The following TAF12 variants were observed in gnomAD, a reference collection of about 807,000 sequenced individuals.
TAF12 encodes TATA-box binding protein associated factor 12, also known as transcription initiation factor TFIID subunit 12.
Under a neutral mutation model 20.8 loss-of-function variants are expected in TAF12, and 3 were observed. The ratio of observed to expected loss-of-function variants is 0.14; its 90% CI spans 0.07 to 0.37. The LOEUF (loss-of-function observed/expected upper bound fraction) is 0.37. TAF12 is among the 10% of genes least tolerant of loss of function. The pLI is 1.00. For missense variants in TAF12, 131 were observed against 197.9 expected (o/e 0.66, Z 2.03); for synonymous variants, 69 against 70.2 (o/e 0.98, Z 0.09).
intron 3 of TAF12, among the ~76,000 whole-genome samples, chr1:28,613,566 AG>A (rs1294842380): frequency 1.3e-5 from 2 of 152,224 alleles, no homozygotes; most frequent in Non-Finnish European, 2.9e-5. Flanking sequence ...CACCTTTCTG[AG>A]CATATACTTT....
chr1:28,643,814 G>A (rs1668117879), upstream of TAF12, among the ~76,000 whole-genome samples: 1 of 152,120 alleles, frequency 6.6e-6, no homozygotes, highest in South Asian at 2.1e-4. Flanking sequence ...CACTTTGGGA[G>A]GCCGAGGAGG....
At chr1:28,611,026 T>C (rs1455973166) in intron 4 of TAF12, among the ~76,000 whole-genome samples, 2 of 149,640 alleles carry the variant, frequency 1.3e-5, no homozygotes, top group Non-Finnish European at 3.0e-5. Context: ...CCTGGACAGG[T>C]TTCTGACTGC....
At chr1:28,618,173 G>T (rs978120549) in intron 2 of TAF12, 143 bp from the exon 3 acceptor site, 3 of 690,864 alleles carry the variant, frequency 4.3e-6, no homozygotes, top group African/African-American at 3.6e-5. Flanking sequence ...ACCTGACTAT[G>T]CTGCTGTAAG....
intron 1 of TAF12, among the ~76,000 whole-genome samples, chr1:28,632,588 A>G (rs1329733192): frequency 6.6e-6 from 1 of 152,128 alleles, no homozygotes; most frequent in Non-Finnish European, 1.5e-5. Flanking sequence ...GTATCATACT[A>G]AGTGAAAAAG....
At chr1:28,633,268 G>A (rs1478025418) in intron 1 of TAF12, among the ~76,000 whole-genome samples, 1 of 150,332 alleles carries the variant, frequency 6.7e-6, no homozygotes, top group African/African-American at 2.4e-5. Context: ...CCGGGTTCAA[G>A]CGATTCTACT....
chr1:28,641,908 G>C (rs1668048391), intron 1 of TAF12, among the ~76,000 whole-genome samples: 3 of 151,976 alleles, frequency 2.0e-5, no homozygotes, highest in Admixed American at 1.3e-4. Context: ...GAAGGGTACT[G>C]TATTAAAATT....
chr1:28,620,775 T>C (rs1437391522), intron 2 of TAF12, among the ~76,000 whole-genome samples: 1 of 152,012 alleles, frequency 6.6e-6, no homozygotes, highest in Non-Finnish European at 1.5e-5. Context: ...GATTATACCA[T>C]TGCACTCTAG....
Position 28,622,021 on chromosome 1 carries a change from C to T in TAF12, c.61G>A (p.Glu21Lys). 1.2e-6 allele frequency: 2 copies of T among 1,613,930 alleles called. No individual in the cohort carries two copies. The highest frequency in any genetic ancestry group is 1.7e-6 in the Non-Finnish European group (2 of 1,180,010). Reference protein sequence around the residue: ...NLSNFSSIKPEPASTPPQGSM... With the variant: ...NLSNFSSIKPKPASTPPQGSM... The stretch of plus-strand genomic sequence containing the variant: ...CCTTGTGGAGGGGTGCTGGCTGGTT[C>T]CGGTTTTATGGATGAGAAATTGGAG... Residue 21 changes from glutamate to lysine, a missense_variant, in exon 2 of 6, where the codon GAA becomes AAA. Physicochemically the swap from Glu to Lys is moderately conservative, Grantham distance 56. Transcript: ENST00000373824.
chr1:28,638,564 C>T (rs1433786035), intron 1 of TAF12, among the ~76,000 whole-genome samples: 1 of 150,826 alleles, frequency 6.6e-6, no homozygotes, highest in Non-Finnish European at 1.5e-5. Flanking sequence ...CGGCTCACTG[C>T]AGCCTCTGCC....
At chr1:28,608,486 G>T (rs1464952102) in intron 4 of TAF12, among the ~76,000 whole-genome samples, 5 of 152,172 alleles carry the variant, frequency 3.3e-5, no homozygotes, top group Non-Finnish European at 7.3e-5. Context: ...GGGTGTGGTG[G>T]CTCACGGCTG....
At chr1:28,621,529 G>GA (rs980481529) in intron 2 of TAF12, among the ~76,000 whole-genome samples, 2 of 151,828 alleles carry the variant, frequency 1.3e-5, no homozygotes, top group Non-Finnish European at 2.9e-5. Flanking sequence ...AAAATGAAAG[G>GA]AAAAAAACAC....
intron 1 of TAF12, among the ~76,000 whole-genome samples, chr1:28,641,902 G>A (rs189859090): frequency 1.3e-5 from 2 of 152,070 alleles, no homozygotes; most frequent in African/African-American, 2.4e-5. Context: ...CGCACAGAAG[G>A]GTACTGTATT....
chr1:28,637,288 C>T (rs181081148), intron 1 of TAF12, among the ~76,000 whole-genome samples: 170 of 152,032 alleles, frequency 1.1e-3, no homozygotes, highest in African/African-American at 3.9e-3. Context: ...CACCCAGGCT[C>T]GAGCGCAGTG....
intron 3 of TAF12, among the ~76,000 whole-genome samples, chr1:28,617,370 G>C (rs538747831): frequency 1.3e-5 from 2 of 151,740 alleles, no homozygotes; most frequent in Admixed American, 6.6e-5. Flanking sequence ...CTGCAACCTC[G>C]GCCTTCTGGG....
At position 28,604,249 on chromosome 1, in the gene TAF12, A is replaced by G. The variant is rs150790713; in HGVS notation, c.451-675T>C. ...TCCCCTGACCCCAATCTTTTCTCCA[A>G]TGATGGACACAATAGGGAAGGGGCC... On this transcript the variant is annotated intron_variant, in intron 5 of 5. Coordinates refer to ENST00000373824, the MANE Select transcript of TAF12 (RefSeq NM_005644.4). 3.7e-4 allele frequency among the ~76,000 whole-genome samples: 56 copies of G among 152,242 alleles called. 1 individual carries two copies. The East Asian group carries it at 9.5e-3, about 26-fold the overall frequency.
intron 4 of TAF12, 80 bp downstream of exon 4, chr1:28,613,167 G>A: frequency 8.3e-7 from 1 of 1,201,184 alleles, no homozygotes. Flanking sequence ...CTGGCATGAA[G>A]GTTCCTCTGA....
chr1:28,613,977 C>T (rs772665627), intron 3 of TAF12, among the ~76,000 whole-genome samples: 9 of 152,028 alleles, frequency 5.9e-5, no homozygotes, highest in Non-Finnish European at 1.3e-4. Context: ...TGGTGGCTCA[C>T]GCCTGTAACC....
At position 28,605,186 on chromosome 1, in the gene TAF12, G is replaced by A. The variant is rs188361475; in HGVS notation, c.450+186C>T. On this transcript the variant is annotated intron_variant, in intron 5 of 5. Transcript: ENST00000373824. The stretch of plus-strand genomic sequence containing the variant: ...ACATGTGGGAACAGCACAGCACCAT[G>A]TGAATATCTTATTGATCTCCCGGAG... 14 of 601,640 alleles carry A rather than the reference G, an allele frequency of 2.3e-5. No homozygotes were observed. The East Asian group carries it at 3.9e-4, about 17-fold the overall frequency. The allele number at this position is 601,640 out of a possible 1,614,324, so 37.3% of individuals were successfully genotyped here. A position where few individuals can be genotyped will look rare whatever the true frequency, so the allele number is the denominator to read the frequency against.
intron 1 of TAF12, among the ~76,000 whole-genome samples, chr1:28,640,171 C>A (rs1017134037): frequency 2.0e-5 from 3 of 152,104 alleles, no homozygotes; most frequent in African/African-American, 7.2e-5. Context: ...CCTCCTAAAT[C>A]TAAAATTAAA....
Sources: allele counts gnomAD v4.1 joint callset (sites outside exome capture counted in the v4.1 genomes callset), GRCh38; gene constraint gnomAD v4.1.1; transcripts MANE v1.5; gene names NCBI Gene and HGNC (gene_info 2026-07-23, HGNC 2026-07-21).